The following AGTRAP variants were observed in gnomAD, a reference collection of about 807,000 sequenced individuals.
AGTRAP encodes angiotensin II receptor associated protein.
A neutral mutation model predicts 15.2 loss-of-function variants in AGTRAP; 7 were observed. The observed-to-expected ratio is 0.46, with a 90% CI of 0.26 to 0.87. The LOEUF is 0.87. Ranked by LOEUF, AGTRAP falls within the 40% of genes least tolerant of loss-of-function variation. AGTRAP has a pLI of 0.15. For synonymous variants in AGTRAP, 74 were observed against 89.6 expected (o/e 0.83, Z 0.98); for missense variants, 187 against 213.4 (o/e 0.88, Z 0.77).
At position 11,747,457 on chromosome 1, in the gene AGTRAP, C is replaced by T; in HGVS notation, c.80C>T (p.Ser27Leu). The change falls in exon 3 of 5, where the codon TCA becomes TTA. Residue 27 changes from serine to leucine, a missense_variant. Transcript: ENST00000314340. ...TCCTACAGGGGCTGCATTGTATTCT[C>T]AGGCTCCTATGCCTGGGCCAACTTC... ...LLTTWGCIVF[S>L]GSYAWANFTI... 6.2e-7 allele frequency: 1 copy of T among 1,614,140 alleles called. No individual in the cohort carries two copies. Among genetic ancestry groups the T allele is most frequent in the Non-Finnish European group, 8.5e-7 (1 of 1,179,970 alleles).
intron 1 of AGTRAP, chr1:11,744,568 C>T (rs1041791118): frequency 1.3e-5 from 9 of 716,684 alleles, no homozygotes; most frequent in South Asian, 3.0e-5. Flanking sequence ...ATCACCCTCA[C>T]GTGAGTCCCC....
At chr1:11,747,965 C>T (rs1642209001) in intron 3 of AGTRAP, among the ~76,000 whole-genome samples, 2 of 152,192 alleles carry the variant, frequency 1.3e-5, no homozygotes, top group African/African-American at 4.8e-5. Flanking sequence ...CCCACCGAAA[C>T]CTCCCACAGG....
chr1:11,743,326 A>C (rs1248642487), intron 1 of AGTRAP, among the ~76,000 whole-genome samples: 1 of 151,020 alleles, frequency 6.6e-6, no homozygotes, highest in Non-Finnish European at 1.5e-5. Context: ...GCTCACTGCA[A>C]CCTCTGCCTC....
intron 1 of AGTRAP, among the ~76,000 whole-genome samples, chr1:11,742,580 T>TAAC (rs557876982): frequency 5.7e-4 from 87 of 151,988 alleles, no homozygotes; most frequent in African/African-American, 2.0e-3. Flanking sequence ...CCCCAGGCTG[T>TAAC]AGTGCAGTGG....
At chr1:11,747,933 T>C (rs1163615646) in intron 3 of AGTRAP, among the ~76,000 whole-genome samples, 1 of 151,914 alleles carries the variant, frequency 6.6e-6, no homozygotes, top group South Asian at 2.1e-4. Context: ...TTCACTACTT[T>C]AGGAAGTAGA....
Position 11,736,166 on chromosome 1 carries a change from G to C in AGTRAP, c.-43G>C, listed in dbSNP as rs985184297. 1.8e-5 allele frequency: 28 copies of C among 1,584,698 alleles called. No homozygotes were observed. In the East Asian group the frequency reaches 2.5e-4, roughly 14 times the overall value. ...TGTTCCCCGAGTTCGGAGCCTAGGA[G>C]CCCCCCGCGGCTGCGGCGCAGGTGC... On this transcript the variant is annotated 5_prime_UTR_variant, in exon 1 of 5. Coordinates refer to ENST00000314340, the MANE Select transcript of AGTRAP (RefSeq NM_020350.5).
intron 4 of AGTRAP, among the ~76,000 whole-genome samples, chr1:11,749,358 C>T (rs17875991): frequency 0.01 from 1,543 of 152,352 alleles, 20 homozygotes; most frequent in Non-Finnish European, 0.015. Flanking sequence ...CTGCCACCAG[C>T]TGGTTGAGGG....
intron 1 of AGTRAP, among the ~76,000 whole-genome samples, chr1:11,741,790 A>G (rs761537973): frequency 6.6e-6 from 1 of 152,236 alleles, no homozygotes; most frequent in Non-Finnish European, 1.5e-5. Context: ...CACCTAGCAC[A>G]TAGGAAGCGC....
rs373483349 is a variant in AGTRAP, at chr1:11,742,809, C to T, written c.28-2994C>T. The stretch of plus-strand genomic sequence containing the variant: ...CCTCCTAAAGTGTTGGGATTACAGG[C>T]GTGAGCCACCAGACCTGGCCCACAG... On this transcript the variant is annotated intron_variant, in intron 1 of 4. Coordinates refer to ENST00000314340, the MANE Select transcript of AGTRAP (RefSeq NM_020350.5). Among the ~76,000 whole-genome samples, 8 of 152,306 alleles carry T rather than the reference C, an allele frequency of 5.3e-5. No individual in the cohort carries two copies. The East Asian group carries it at 1.4e-3, about 26-fold the overall frequency.
chr1:11,745,200 G>C lies in AGTRAP; in HGVS notation c.28-603G>C, dbSNP rs532378028. ...TATTTCTTGATAGTATGCTAACCAA[G>C]GGGTGGATTATTCATGCCTCCCCTT... On this transcript the variant is annotated intron_variant, in intron 1 of 4. Coordinates refer to ENST00000314340, the MANE Select transcript of AGTRAP (RefSeq NM_020350.5). This position sits in a 1 kb window ranked among gnomAD's most constrained non-coding sequence, Gnocchi z 4.2. 6.6e-6 allele frequency among the ~76,000 whole-genome samples: 1 copy of C among 152,170 alleles called. No homozygotes were observed. Among genetic ancestry groups the C allele is most frequent in the Admixed American group, 6.5e-5 (1 of 15,280 alleles).
intron 1 of AGTRAP, among the ~76,000 whole-genome samples, chr1:11,742,824 C>G (rs1018907264): frequency 4.6e-5 from 7 of 152,250 alleles, no homozygotes; most frequent in African/African-American, 1.4e-4. Flanking sequence ...GCCACCAGAC[C>G]TGGCCCACAG....
intron 4 of AGTRAP, 80 bp downstream of exon 4, chr1:11,748,690 C>G (rs1642236097): frequency 1.3e-6 from 2 of 1,497,758 alleles, no homozygotes; most frequent in African/African-American, 2.7e-5. Flanking sequence ...CTCAGTGAGC[C>G]AGCCTTGCCC....
In AGTRAP at chr1:11,736,187, G is replaced by A; in HGVS notation, c.-22G>A. The A allele has an allele frequency of 6.2e-7, 1 of 1,600,042 alleles. No individual in the cohort carries two copies. Among genetic ancestry groups the A allele is most frequent in the Non-Finnish European group, 8.5e-7 (1 of 1,174,518 alleles). ...AGGAGCCCCCCGCGGCTGCGGCGCAGGTGCCCTCGGCCTGAGTCGGGATGG... is the reference window on the plus strand; with the variant it reads ...AGGAGCCCCCCGCGGCTGCGGCGCAAGTGCCCTCGGCCTGAGTCGGGATGG... On this transcript the variant is annotated 5_prime_UTR_variant, in exon 1 of 5. Transcript: ENST00000314340.
chr1:11,748,702 A>T (rs1351650104), intron 4 of AGTRAP, 92 bp downstream of exon 4: 12 of 1,440,310 alleles, frequency 8.3e-6, no homozygotes, highest in African/African-American at 1.4e-5. Context: ...GCCTTGCCCC[A>T]TGGGGCCAGG....
intron 2 of AGTRAP, among the ~76,000 whole-genome samples, chr1:11,747,094 A>G (rs1337885463): frequency 6.6e-6 from 1 of 152,224 alleles, no homozygotes; most frequent in Non-Finnish European, 1.5e-5. Context: ...TCTGCATTTT[A>G]TTCCAAATGG....
At chr1:11,749,193 T>C (rs1642252074) in intron 4 of AGTRAP, among the ~76,000 whole-genome samples, 1 of 152,244 alleles carries the variant, frequency 6.6e-6, no homozygotes, top group South Asian at 2.1e-4. Context: ...TCTGAACTCC[T>C]GTACTCCTTC....
intron 4 of AGTRAP, 77 bp downstream of exon 4, chr1:11,748,687 A>G (rs1288789191): frequency 1.3e-6 from 2 of 1,514,476 alleles, no homozygotes; most frequent in East Asian, 2.4e-5. Context: ...TCCCTCAGTG[A>G]GCCAGCCTTG....
At position 11,736,254 on chromosome 1, in the gene AGTRAP, G is replaced by A. The variant is rs748735248; in HGVS notation, c.27+19G>A. 1.9e-6 allele frequency: 3 copies of A among 1,605,460 alleles called. No individual in the cohort carries two copies. Among genetic ancestry groups the A allele is most frequent in the Non-Finnish European group, 2.5e-6 (3 of 1,176,710 alleles). ...CCTGAAGGTGGCGACGGGCTGGGGGGAGGGTCCCCTTTGCGGGAGGAAGTG... is the reference window on the plus strand; with the variant it reads ...CCTGAAGGTGGCGACGGGCTGGGGGAAGGGTCCCCTTTGCGGGAGGAAGTG... On this transcript the variant is annotated intron_variant, in intron 1 of 4. Coordinates refer to ENST00000314340, the MANE Select transcript of AGTRAP (RefSeq NM_020350.5).
In AGTRAP at chr1:11,748,620, C is replaced by T. The variant is rs763055837; in HGVS notation, c.364+10C>T. Reference sequence around the variant, plus strand: ...CTCCTGGTCCACACTGGTGAGGCCACCACCTCCAGCCAGCTCCTCACCGCT... The same window carrying T: ...CTCCTGGTCCACACTGGTGAGGCCATCACCTCCAGCCAGCTCCTCACCGCT... On this transcript the variant is annotated intron_variant, in intron 4 of 4. Transcript: ENST00000314340. 8 of 1,600,190 alleles carry T rather than the reference C, an allele frequency of 5.0e-6. No homozygotes were observed. In the Admixed American group the frequency reaches 5.0e-5, roughly 10 times the overall value.
Sources: gnomAD v4.1 joint callset for allele counts (sites outside exome capture counted in the v4.1 genomes callset) on GRCh38, gnomAD v4.1.1 for gene constraint, Gnocchi (gnomAD v3.1) non-coding constraint, MANE v1.5 for transcripts, NCBI Gene and HGNC (gene_info 2026-07-23, HGNC 2026-07-21) for gene names.